The following RBFOX3 variants were observed in gnomAD, a reference collection of about 807,000 sequenced individuals.
RBFOX3 encodes RNA binding protein fox-1 homolog 3.
RBFOX3 carries 17 observed loss-of-function variants against 48.7 expected under a neutral mutation model. That is an observed-to-expected ratio of 0.35 (90% CI 0.24 to 0.52). RBFOX3 has a LOEUF of 0.52. Among genes scored for constraint, RBFOX3 ranks in the 20% least tolerant of loss-of-function variants. The probability of loss-of-function intolerance (pLI) is 0.94; values close to 1 mark genes in which losing one functional copy is unlikely to be tolerated. For synonymous variants in RBFOX3, 212 were observed against 209.5 expected (o/e 1.01, Z -0.10); for missense variants, 382 against 497.5 (o/e 0.77, Z 2.21).
rs933733112 is a variant in RBFOX3, at chr17:79,311,077, G to A, written c.-174-3253C>T. 3.3e-5 allele frequency among the ~76,000 whole-genome samples: 5 copies of A among 152,086 alleles called. No individual in the cohort carries two copies. Among genetic ancestry groups the A allele is most frequent in the East Asian group, 3.9e-4 (2 of 5,182 alleles). On this transcript the variant is annotated intron_variant, in intron 2 of 14. Transcript: ENST00000693108. The surrounding 1 kb of genome is among the most constrained non-coding windows in gnomAD (Gnocchi z 4.2). ...TCCAGTCAGTCGAAAGGCTTCATCC[G>A]GTCAGTTAAAAGGCCTTAACAGCAA...
chr17:79,495,273 A>G, intron 1 of RBFOX3, among the ~76,000 whole-genome samples: 1 of 99,338 alleles, frequency 1.0e-5, no homozygotes, highest in Non-Finnish European at 2.0e-5. Context: ...GAAGGGAGGG[A>G]CGGCTGGCAC....
intron 4 of RBFOX3, among the ~76,000 whole-genome samples, chr17:79,165,281 G>A (rs958674240): frequency 2.6e-5 from 4 of 152,114 alleles, no homozygotes; most frequent in Non-Finnish European, 5.9e-5. Flanking sequence ...GAGGGAGGAG[G>A]AAAAAACCCG....
At chr17:79,101,244 G>A (rs2076376527) in intron 9 of RBFOX3, among the ~76,000 whole-genome samples, 1 of 152,194 alleles carries the variant, frequency 6.6e-6, no homozygotes, top group Admixed American at 6.5e-5. Flanking sequence ...TCTGGCCCTG[G>A]GGGAAAGTCA....
intron 2 of RBFOX3, among the ~76,000 whole-genome samples, chr17:79,468,056 T>C (rs2076549090): frequency 6.6e-6 from 1 of 152,124 alleles, no homozygotes; most frequent in East Asian, 1.9e-4. Context: ...CCGCATTGTT[T>C]GGTTCGCTGA....
intron 2 of RBFOX3, among the ~76,000 whole-genome samples, chr17:79,377,331 G>A (rs996925369): frequency 1.3e-5 from 2 of 152,092 alleles, no homozygotes; most frequent in African/African-American, 2.4e-5. Flanking sequence ...GGAGACACAG[G>A]CACTCTTACA....
intron 1 of RBFOX3, among the ~76,000 whole-genome samples, chr17:79,506,142 A>C (rs2083082971): frequency 1.3e-5 from 2 of 152,220 alleles, no homozygotes; most frequent in African/African-American, 4.8e-5. Context: ...GAGGAAATTG[A>C]TACCACATCC....
chr17:79,117,887 C>T (rs114906220), intron 4 of RBFOX3, among the ~76,000 whole-genome samples: 1 of 152,346 alleles, frequency 6.6e-6, no homozygotes, highest in African/African-American at 2.4e-5. Context: ...ACCATTGTTA[C>T]AGCACTGAGG....
At chr17:79,209,974 G>C (rs2058137723) in intron 4 of RBFOX3, among the ~76,000 whole-genome samples, 1 of 147,006 alleles carries the variant, frequency 6.8e-6, no homozygotes, top group Non-Finnish European at 1.5e-5. Flanking sequence ...TCTAGCCTGG[G>C]CGACAGAGCA....
chr17:79,406,442 G>A (rs1333660689), intron 2 of RBFOX3, among the ~76,000 whole-genome samples: 1 of 152,150 alleles, frequency 6.6e-6, no homozygotes, highest in East Asian at 1.9e-4. Flanking sequence ...TCCGTGTCCA[G>A]GCAGGACAGC....
At chr17:79,239,408 G>A (rs759131050) in intron 3 of RBFOX3, among the ~76,000 whole-genome samples, 2 of 152,202 alleles carry the variant, frequency 1.3e-5, no homozygotes, top group African/African-American at 4.8e-5. Context: ...TTGCCTCCAT[G>A]AATCAGGTTC....
rs138925642 is a variant in RBFOX3, at chr17:79,326,241, C to T, written c.-174-18417G>A. 7.2e-5 allele frequency among the ~76,000 whole-genome samples: 11 copies of T among 152,292 alleles called. No individual in the cohort carries two copies. The East Asian group carries it at 1.7e-3, about 24-fold the overall frequency. ...CAGGCTTCCCATCAGCACTTCCTAGCGTCTCCCGTCACACCACTGCTCTTG... is the reference window on the plus strand; with the variant it reads ...CAGGCTTCCCATCAGCACTTCCTAGTGTCTCCCGTCACACCACTGCTCTTG... On this transcript the variant is annotated intron_variant, in intron 2 of 14. Transcript: ENST00000693108.
At chr17:79,325,752 A>G (rs532134540) in intron 2 of RBFOX3, among the ~76,000 whole-genome samples, 3 of 152,006 alleles carry the variant, frequency 2.0e-5, no homozygotes, top group East Asian at 3.9e-4. Context: ...TTGAGCTCCA[A>G]CCTCTTGGAT....
chr17:79,121,298 A>G (rs1037916412), intron 4 of RBFOX3, among the ~76,000 whole-genome samples: 1 of 152,052 alleles, frequency 6.6e-6, no homozygotes, highest in East Asian at 1.9e-4. Context: ...ACAGCCATCA[A>G]TGTTTTCCTC....
At chr17:79,216,174 T>C (rs1275757349) in intron 4 of RBFOX3, among the ~76,000 whole-genome samples, 2 of 152,334 alleles carry the variant, frequency 1.3e-5, no homozygotes, top group East Asian at 3.9e-4. Flanking sequence ...GCCACCTCTG[T>C]GGCCCCCCAG....
At position 79,143,939 on chromosome 17, in the gene RBFOX3, A is replaced by T. The variant is rs756773821; in HGVS notation, c.-33-28191T>A. Among the ~76,000 whole-genome samples, 118 of 152,282 alleles carry T rather than the reference A, an allele frequency of 7.7e-4. 1 individual carries two copies. Among genetic ancestry groups the T allele is most frequent in the East Asian group, 3.9e-4 (2 of 5,166 alleles). On this transcript the variant is annotated intron_variant, in intron 4 of 14. Transcript: ENST00000693108. ...CCTATTTAACTGCAGGCCAGGACGG[A>T]CACCCCCATCCTTCCACTGAAGGGT... is the stretch of plus-strand genomic sequence containing the variant.
intron 1 of RBFOX3, chr17:79,597,982 T>C (rs1169979546): frequency 2.0e-5 from 3 of 152,268 alleles, no homozygotes; most frequent in Non-Finnish European, 4.4e-5. Context: ...CCGCGGCAGG[T>C]AGAAGGATGG....
At chr17:79,588,953 A>G (rs1029720683) in intron 1 of RBFOX3, among the ~76,000 whole-genome samples, 6 of 138,816 alleles carry the variant, frequency 4.3e-5, no homozygotes, top group Non-Finnish European at 6.1e-5. Flanking sequence ...GTGAGACCCC[A>G]TCCTGAGCTT....
At chr17:79,489,426 C>G (rs1205116414) in intron 1 of RBFOX3, among the ~76,000 whole-genome samples, 1 of 152,170 alleles carries the variant, frequency 6.6e-6, no homozygotes, top group Non-Finnish European at 1.5e-5. Flanking sequence ...CCCCAAGTAG[C>G]TGGGACTACA....
intron 2 of RBFOX3, among the ~76,000 whole-genome samples, chr17:79,430,108 A>G (rs2148870735): frequency 6.6e-6 from 1 of 152,218 alleles, no homozygotes; most frequent in African/African-American, 2.4e-5. Flanking sequence ...GATTTCCCCC[A>G]GCGTTGCACT....
Sources: allele counts gnomAD v4.1 joint callset (sites outside exome capture counted in the v4.1 genomes callset), GRCh38; gene constraint gnomAD v4.1.1; non-coding constraint Gnocchi (gnomAD v3.1); transcripts MANE v1.5; gene names NCBI Gene and HGNC (gene_info 2026-07-23, HGNC 2026-07-21).